The following PABPC4L variants were observed in gnomAD, a reference collection of about 807,000 sequenced individuals.
PABPC4L encodes the protein polyadenylate-binding protein 4-like.
For missense variants in PABPC4L, 452 were observed against 451.4 expected (o/e 1.00, Z -0.01); for synonymous variants, 169 against 164.1 (o/e 1.03, Z -0.23).
At chr4:134,068,460 T>G in the PABPC4L span, among the ~76,000 whole-genome samples, 6 of 152,302 alleles carry the variant, frequency 3.9e-5, no homozygotes, top group Non-Finnish European at 7.4e-5. Context: ...TATTGGATGT[T>G]GCTTCTTTAT....
chr4:134,198,875 G>C lies in PABPC4L; in HGVS notation c.*1032C>G, dbSNP rs1231558242. On this transcript the variant is annotated 3_prime_UTR_variant, in exon 2 of 2. Coordinates refer to ENST00000421491, the MANE Select transcript of PABPC4L (RefSeq NM_001114734.2). Reference sequence around the variant, plus strand: ...CAATCAGTGTTTCTGATCAATGAAGGCTAAAAGTGAACCTTAATGGGTTCC... The same window carrying C: ...CAATCAGTGTTTCTGATCAATGAAGCCTAAAAGTGAACCTTAATGGGTTCC... The C allele has an allele frequency of 6.6e-6, 1 of 151,920 alleles. No individual in the cohort carries two copies. The highest frequency in any genetic ancestry group is 1.5e-5 in the Non-Finnish European group (1 of 67,872). 9.4% of individuals were successfully genotyped at this position (151,920 alleles called of 1,614,324 possible). A position where few individuals can be genotyped will look rare whatever the true frequency, so the allele number is the denominator to read the frequency against.
At chr4:134,178,895 T>C in the PABPC4L span, among the ~76,000 whole-genome samples, 5 of 152,072 alleles carry the variant, frequency 3.3e-5, no homozygotes, top group Non-Finnish European at 7.4e-5. Flanking sequence ...AAAATGGGAT[T>C]ATGTAAAAAC....
the PABPC4L span, among the ~76,000 whole-genome samples, chr4:134,082,247 T>G: frequency 6.6e-6 from 1 of 152,192 alleles, no homozygotes. Flanking sequence ...CTTTTAAAAC[T>G]TGTTAGCTTT....
Position 134,200,451 on chromosome 4 carries a change from G to A in PABPC4L, c.569C>T (p.Thr190Ile). ...AELRSKASEF[T>I]NVYIKNFGGD... ...TCCAAAGTTTTTTATGTAAACATTGGTGAATTCACTGGCTTTGCTTCTGAG... is the reference window on the plus strand; with the variant it reads ...TCCAAAGTTTTTTATGTAAACATTGATGAATTCACTGGCTTTGCTTCTGAG... Residue 190 changes from threonine (T) to isoleucine (I), a missense_variant, in exon 2 of 2, where the codon ACC becomes ATC. Physicochemically the swap from Thr to Ile is moderately conservative, Grantham distance 89. Transcript: ENST00000421491. 1.3e-6 allele frequency: 2 copies of A among 1,551,722 alleles called. No homozygotes were observed. Among genetic ancestry groups the A allele is most frequent in the South Asian group, 2.4e-5 (2 of 84,074 alleles).
the PABPC4L span, among the ~76,000 whole-genome samples, chr4:134,070,493 G>T: frequency 6.6e-6 from 1 of 152,108 alleles, no homozygotes; most frequent in African/African-American, 2.4e-5. Context: ...GCATGGGGTT[G>T]TCAGTGCAAC....
chr4:134,153,505 T>G, the PABPC4L span, among the ~76,000 whole-genome samples: 2 of 152,110 alleles, frequency 1.3e-5, no homozygotes, highest in African/African-American at 2.4e-5. Context: ...TTTTCAAAAT[T>G]TATTTAATTG....
chr4:133,988,356 A>G, the PABPC4L span, among the ~76,000 whole-genome samples: 1 of 152,206 alleles, frequency 6.6e-6, no homozygotes, highest in African/African-American at 2.4e-5. Flanking sequence ...CTGAAAGCAA[A>G]TTAGTTAATT....
chr4:133,962,776 TAC>T, the PABPC4L span, among the ~76,000 whole-genome samples: 2 of 152,136 alleles, frequency 1.3e-5, no homozygotes, highest in Non-Finnish European at 2.9e-5. Context: ...GAAGAAAAGA[TAC>T]AGTCTTTTTC....
At chr4:134,050,880 ATTTT>A in the PABPC4L span, among the ~76,000 whole-genome samples, 5 of 134,712 alleles carry the variant, frequency 3.7e-5, no homozygotes, top group Non-Finnish European at 6.3e-5. Context: ...ATTGACCTTT[ATTTT>A]TTTTTTTTTT....
the PABPC4L span, among the ~76,000 whole-genome samples, chr4:134,128,503 C>T: frequency 6.6e-6 from 1 of 152,088 alleles, no homozygotes; most frequent in Non-Finnish European, 1.5e-5. Context: ...CTATCTTTAG[C>T]CTCTTTAAAC....
the PABPC4L span, among the ~76,000 whole-genome samples, chr4:134,002,983 G>A: frequency 6.6e-6 from 1 of 151,920 alleles, no homozygotes; most frequent in East Asian, 1.9e-4. Context: ...GACTATAAAA[G>A]TTCAGTAAAA....
At chr4:134,061,712 T>C in the PABPC4L span, among the ~76,000 whole-genome samples, 1 of 150,312 alleles carries the variant, frequency 6.7e-6, no homozygotes, top group East Asian at 2.0e-4. Flanking sequence ...AGGAGGGGAT[T>C]CAAGAAAAAG....
chr4:134,054,943 AC>A, the PABPC4L span, among the ~76,000 whole-genome samples: 3 of 152,060 alleles, frequency 2.0e-5, no homozygotes, highest in Non-Finnish European at 4.4e-5. Flanking sequence ...TTAAGAAAAC[AC>A]CAGATCATCT....
chr4:134,200,054 A>T lies in PABPC4L; in HGVS notation c.966T>A (p.Val322=), dbSNP rs1178203919. Reference sequence around the variant, plus strand: ...TCTGCCCCTCTTCCTGCATTACCTTAACTCTGCTAATTGATCCAAATGAAG... The same window carrying T: ...TCTGCCCCTCTTCCTGCATTACCTTTACTCTGCTAATTGATCCAAATGAAG... ...EFSSFGSISR[V]KVMQEEGQSK... Residue 322 remains valine (V), a synonymous_variant, in exon 2 of 2, where the codon GTT becomes GTA. Transcript: ENST00000421491. 1 of 1,551,518 alleles carries T rather than the reference A, an allele frequency of 6.4e-7. No homozygotes were observed. The highest frequency in any genetic ancestry group is 2.4e-5 in the East Asian group (1 of 40,928).
At chr4:134,114,039 A>T in the PABPC4L span, among the ~76,000 whole-genome samples, 10 of 151,858 alleles carry the variant, frequency 6.6e-5, no homozygotes, top group Non-Finnish European at 1.3e-4. Context: ...TTTGGAGGAC[A>T]GGCAATGGGC....
At chr4:134,152,257 A>C in the PABPC4L span, among the ~76,000 whole-genome samples, 2 of 152,144 alleles carry the variant, frequency 1.3e-5, no homozygotes, top group African/African-American at 4.8e-5. Context: ...AATATATTTC[A>C]ATATTATTTT....
the PABPC4L span, among the ~76,000 whole-genome samples, chr4:134,092,341 C>T: frequency 8.6e-5 from 13 of 152,016 alleles, no homozygotes; most frequent in Non-Finnish European, 1.3e-4. Context: ...GAAGAGGCAG[C>T]TGGACATTCA....
At chr4:134,146,543 T>G in the PABPC4L span, among the ~76,000 whole-genome samples, 1 of 151,540 alleles carries the variant, frequency 6.6e-6, no homozygotes, top group Non-Finnish European at 1.5e-5. Context: ...CAAGCAGGAG[T>G]GTTACAGATC....
chr4:134,138,164 C>A, the PABPC4L span, among the ~76,000 whole-genome samples: 1 of 151,606 alleles, frequency 6.6e-6, no homozygotes, highest in Admixed American at 6.6e-5. Context: ...AATTAGATAC[C>A]TGAATTAAAA....
Sources: gnomAD v4.1 joint callset for allele counts (sites outside exome capture counted in the v4.1 genomes callset) on GRCh38, gnomAD v4.1.1 for gene constraint, MANE v1.5 for transcripts, NCBI Gene and HGNC (gene_info 2026-07-23, HGNC 2026-07-21) for gene names.